MIR2052HG: variants seen among roughly 807,000 people sequenced by gnomAD.
MIR2052HG encodes the protein MIR2052 host gene.
intron 2 of MIR2052HG, among the ~76,000 whole-genome samples, chr8:74,673,906 T>C (rs967211714): frequency 7.2e-6 from 1 of 138,298 alleles, no homozygotes; most frequent in African/African-American, 3.1e-5. Context: ...TATATATATA[T>C]ATATACACAC....
chr8:74,699,139 A>G (rs1809331658), intron 2 of MIR2052HG, among the ~76,000 whole-genome samples: 1 of 152,138 alleles, frequency 6.6e-6, no homozygotes, highest in South Asian at 2.1e-4. Context: ...GTGAAAAGGG[A>G]ATACTTTTAC....
intron 2 of MIR2052HG, among the ~76,000 whole-genome samples, chr8:74,636,261 T>G (rs1277081322): frequency 1.3e-5 from 2 of 152,156 alleles, no homozygotes; most frequent in African/African-American, 4.8e-5. Flanking sequence ...TTGTTCCAAG[T>G]CCTGCTGGGA....
intron 2 of MIR2052HG, among the ~76,000 whole-genome samples, chr8:74,629,934 A>C (rs1299278802): frequency 1.3e-5 from 2 of 152,160 alleles, no homozygotes; most frequent in East Asian, 1.9e-4. Context: ...TCCCTCACCC[A>C]TGCATCCAGC....
At chr8:74,691,036 T>A (rs1043826303) in intron 2 of MIR2052HG, among the ~76,000 whole-genome samples, 26 of 152,088 alleles carry the variant, frequency 1.7e-4, no homozygotes, top group African/African-American at 6.3e-4. Flanking sequence ...ACGTAAAAAA[T>A]TCAAAATAGG....
At chr8:74,656,801 G>T (rs1318374551) in intron 2 of MIR2052HG, among the ~76,000 whole-genome samples, 1 of 152,184 alleles carries the variant, frequency 6.6e-6, no homozygotes, top group African/African-American at 2.4e-5. Context: ...TAAGCAAATG[G>T]TGGAAAGATA....
At position 74,602,815 on chromosome 8, in the gene MIR2052HG, G is replaced by GTCTTTCTTTCTTTCTTTCTTTCTT. The variant is rs1338395340; in HGVS notation, n.128+2908_128+2909insCTTTCTTTCTTTCTTTCTTTCTTT. ...TGGATGTGAGCTGCCATGCCCGGCC[G>GTCTTTCTTTCTTTCTTTCTTTCTT]TGTTTCTTTCTTTCTTTCTTTCTTT... On this transcript the variant is annotated intron_variant and non_coding_transcript_variant, in intron 1 of 6. Coordinates refer to ENST00000523442, the Ensembl canonical transcript of MIR2052HG. 3.8e-3 allele frequency among the ~76,000 whole-genome samples: 85 copies of GTCTTTCTTTCTTTCTTTCTTTCTT among 22,548 alleles called. 3 individuals are homozygous for GTCTTTCTTTCTTTCTTTCTTTCTT. Among genetic ancestry groups the GTCTTTCTTTCTTTCTTTCTTTCTT allele is most frequent in the African/African-American group, 0.011 (53 of 4,956 alleles). 14.8% of individuals were successfully genotyped at this position (22,548 alleles called of 152,430 possible). A position where few individuals can be genotyped will look rare whatever the true frequency, so the allele number is the denominator to read the frequency against.
intron 2 of MIR2052HG, among the ~76,000 whole-genome samples, chr8:74,623,836 T>C (rs1472840338): frequency 1.3e-5 from 2 of 152,198 alleles, no homozygotes; most frequent in African/African-American, 4.8e-5. Context: ...ATGATCTGTA[T>C]ATAAGGGATA....
intron 2 of MIR2052HG, among the ~76,000 whole-genome samples, chr8:74,649,116 G>A (rs1808725623): frequency 6.6e-6 from 1 of 151,868 alleles, no homozygotes; most frequent in African/African-American, 2.4e-5. Context: ...TGATGTTTGT[G>A]GCTTAGCTCG....
chr8:74,695,702 A>T lies in MIR2052HG; in HGVS notation n.217-6677A>T, dbSNP rs953735783. 1.3e-4 allele frequency among the ~76,000 whole-genome samples: 20 copies of T among 152,290 alleles called. 1 individual carries two copies. The highest frequency in any genetic ancestry group is 4.3e-4 in the African/African-American group (18 of 41,572). On this transcript the variant is annotated intron_variant and non_coding_transcript_variant, in intron 2 of 6. Transcript: ENST00000523442. ...AAAAAACTTTAAAGCAATAACAGTT[A>T]AAAAAGACAAAGAAAGATATTATGT...
At position 74,673,385 on chromosome 8, in the gene MIR2052HG, G is replaced by C. The variant is rs1809013914; in HGVS notation, n.217-28994G>C. On this transcript the variant is annotated intron_variant and non_coding_transcript_variant, in intron 2 of 6. Coordinates refer to ENST00000523442, the Ensembl canonical transcript of MIR2052HG. ...ACATTTAGTGCCCATCTTCTCAGCT[G>C]ATTCTGACACCCATCAGATAGATCA... is the stretch of plus-strand genomic sequence containing the variant. 2.6e-5 allele frequency among the ~76,000 whole-genome samples: 4 copies of C among 152,128 alleles called. No individual in the cohort carries two copies. In the South Asian group the frequency reaches 8.3e-4, roughly 32 times the overall value.
intron 4 of MIR2052HG, among the ~76,000 whole-genome samples, chr8:74,734,511 G>C (rs1809727234): frequency 6.6e-6 from 1 of 152,216 alleles, no homozygotes; most frequent in African/African-American, 2.4e-5. Context: ...TCCAAGATCA[G>C]ATCTGGCTCA....
intron 2 of MIR2052HG, among the ~76,000 whole-genome samples, chr8:74,666,625 A>G (rs1808926839): frequency 6.6e-6 from 1 of 152,154 alleles, no homozygotes; most frequent in South Asian, 2.1e-4. Flanking sequence ...AGACCTTTGG[A>G]GAATGCATCT....
intron 4 of MIR2052HG, among the ~76,000 whole-genome samples, chr8:74,728,649 A>C (rs186698435): frequency 3.1e-3 from 465 of 152,274 alleles, no homozygotes; most frequent in Non-Finnish European, 4.9e-3. Flanking sequence ...ATTTGGGTAT[A>C]TTGAGAGAGG....
At chr8:74,740,723 T>A (rs893011787) in intron 4 of MIR2052HG, among the ~76,000 whole-genome samples, 1 of 152,210 alleles carries the variant, frequency 6.6e-6, no homozygotes, top group Non-Finnish European at 1.5e-5. Context: ...AGATACCAGA[T>A]GCCAAGTTGA....
At chr8:74,676,478 G>T (rs1296404391) in intron 2 of MIR2052HG, among the ~76,000 whole-genome samples, 1 of 151,266 alleles carries the variant, frequency 6.6e-6, no homozygotes, top group Non-Finnish European at 1.5e-5. Context: ...TAGAAGTAGA[G>T]GATATAACTT....
intron 2 of MIR2052HG, among the ~76,000 whole-genome samples, chr8:74,631,554 T>TA (rs1165756644): frequency 2.0e-5 from 3 of 152,214 alleles, no homozygotes; most frequent in Non-Finnish European, 4.4e-5. Flanking sequence ...ATCATATATT[T>TA]ACCTGTTTAA....
intron 2 of MIR2052HG, among the ~76,000 whole-genome samples, chr8:74,667,250 C>T (rs960271411): frequency 1.2e-4 from 19 of 152,062 alleles, no homozygotes; most frequent in African/African-American, 4.1e-4. Context: ...GCCTGGCTGT[C>T]ACTATAGGTA....
At chr8:74,653,053 C>T (rs1386130536) in intron 2 of MIR2052HG, among the ~76,000 whole-genome samples, 5 of 152,112 alleles carry the variant, frequency 3.3e-5, no homozygotes, top group Admixed American at 1.3e-4. Flanking sequence ...TATACCTAAA[C>T]TTTTTTTTCC....
rs140669086 is a variant in MIR2052HG, at chr8:74,608,844, G to C, written n.129-4009G>C. Among the ~76,000 whole-genome samples the C allele has an allele frequency of 7.6e-3, 1,157 of 152,068 alleles. 10 individuals are homozygous for C. The highest frequency in any genetic ancestry group is 0.01 in the Non-Finnish European group (680 of 67,888). ...GACACCAACTACCTGTATTAGAAAA[G>C]AAGAAAGGTCTCAAGTCAGTAATCT... On this transcript the variant is annotated intron_variant and non_coding_transcript_variant, in intron 1 of 6. Coordinates refer to ENST00000523442, the Ensembl canonical transcript of MIR2052HG.
Sources: gnomAD v4.1 joint callset for allele counts (sites outside exome capture counted in the v4.1 genomes callset) on GRCh38, gnomAD v4.1.1 for gene constraint, MANE v1.5 for transcripts, NCBI Gene and HGNC (gene_info 2026-07-23, HGNC 2026-07-21) for gene names.